The following NAV2 variants were observed in gnomAD, a reference collection of about 807,000 sequenced individuals.
NAV2 encodes neuron navigator 2.
A neutral mutation model predicts 223.2 loss-of-function variants in NAV2; 54 were observed. The observed-to-expected ratio is 0.24, with a 90% CI of 0.19 to 0.30. NAV2 has a LOEUF of 0.30. Among genes scored for constraint, NAV2 ranks in the 10% least tolerant of loss-of-function variants. The probability of loss-of-function intolerance (pLI) is 1.00; values close to 1 mark genes in which losing one functional copy is unlikely to be tolerated. For missense variants in NAV2, 2,806 were observed against 3,147.5 expected (o/e 0.89, Z 2.60); for synonymous variants, 1,279 against 1,239.3 (o/e 1.03, Z -0.67).
rs551859153 is a variant in NAV2, at chr11:19,942,977, T to C, written c.2146+3204T>C. On this transcript the variant is annotated intron_variant, in intron 8 of 37. Transcript: ENST00000349880. ...CAGCCTGAGCAACAGAGCAAGACCC[T>C]GTCTCTAAAAAATAAAATAGTTGAA... Among the ~76,000 whole-genome samples the C allele has an allele frequency of 3.9e-5, 6 of 152,288 alleles. No homozygotes were observed. The East Asian group carries it at 1.2e-3, about 29-fold the overall frequency.
At chr11:19,595,232 C>T (rs1307208582) in intron 1 of NAV2, among the ~76,000 whole-genome samples, 2 of 152,174 alleles carry the variant, frequency 1.3e-5, no homozygotes, top group East Asian at 3.9e-4. Context: ...ACACCTTTGA[C>T]CTGCCCTGTC....
intron 1 of NAV2, among the ~76,000 whole-genome samples, chr11:19,398,862 C>T (rs543457504): frequency 8.5e-5 from 13 of 152,194 alleles, no homozygotes; most frequent in African/African-American, 1.9e-4. Flanking sequence ...CATTTTTGGA[C>T]GCAGCCTCAG....
intron 2 of NAV2, among the ~76,000 whole-genome samples, chr11:19,836,376 T>C (rs1227471046): frequency 2.6e-5 from 4 of 151,256 alleles, no homozygotes; most frequent in Non-Finnish European, 4.4e-5. Flanking sequence ...GCTAACAAGG[T>C]GAAACCCCGT....
intron 1 of NAV2, among the ~76,000 whole-genome samples, chr11:19,492,914 A>G (rs2042677639): frequency 1.3e-5 from 2 of 152,214 alleles, no homozygotes; most frequent in Admixed American, 1.3e-4. Flanking sequence ...AGAGTTCCGG[A>G]GGTGAAGCCT....
chr11:20,097,217 C>A (rs113937245), intron 30 of NAV2, among the ~76,000 whole-genome samples: 1 of 152,158 alleles, frequency 6.6e-6, no homozygotes, highest in Non-Finnish European at 1.5e-5. Context: ...ATTACTTTTT[C>A]GTGAATTTTC....
intron 6 of NAV2, among the ~76,000 whole-genome samples, chr11:19,894,823 C>T (rs369805523): frequency 7.2e-5 from 11 of 152,284 alleles, no homozygotes; most frequent in African/African-American, 2.6e-4. Flanking sequence ...CTCCGCCTCC[C>T]GGGTTCAAGC....
At chr11:19,586,794 G>C (rs546343270) in intron 1 of NAV2, among the ~76,000 whole-genome samples, 2 of 152,228 alleles carry the variant, frequency 1.3e-5, no homozygotes, top group African/African-American at 2.4e-5. Flanking sequence ...CCCTACTGGG[G>C]GGTGCCTCCC....
intron 1 of NAV2, among the ~76,000 whole-genome samples, chr11:19,442,253 G>A (rs890674127): frequency 2.6e-5 from 4 of 152,250 alleles, no homozygotes; most frequent in Non-Finnish European, 4.4e-5. Flanking sequence ...AATGGTTGAG[G>A]AAAGGGGGCT....
intron 1 of NAV2, among the ~76,000 whole-genome samples, chr11:19,757,955 T>G (rs184500682): frequency 6.6e-6 from 1 of 152,334 alleles, no homozygotes; most frequent in East Asian, 1.9e-4. Flanking sequence ...GTCATCATTA[T>G]CATTACCATC....
intron 1 of NAV2, among the ~76,000 whole-genome samples, chr11:19,768,163 T>A (rs1404066122): frequency 6.6e-6 from 1 of 152,146 alleles, no homozygotes; most frequent in African/African-American, 2.4e-5. Context: ...GCACGTTGAG[T>A]GGCTCTCAGG....
intron 1 of NAV2, among the ~76,000 whole-genome samples, chr11:19,737,602 G>C (rs1004942338): frequency 6.6e-6 from 1 of 152,164 alleles, no homozygotes; most frequent in Admixed American, 6.5e-5. Context: ...CTCCTTTCCA[G>C]TTCCATGTCC....
intron 1 of NAV2, chr11:19,384,503 T>C (rs1848960157): frequency 6.6e-6 from 1 of 152,262 alleles, no homozygotes; most frequent in Non-Finnish European, 1.5e-5. Context: ...AGGGTTGGAT[T>C]GCTGTCATTT....
chr11:19,483,339 G>T, intron 1 of NAV2, among the ~76,000 whole-genome samples: 1 of 152,138 alleles, frequency 6.6e-6, no homozygotes, highest in East Asian at 1.9e-4. Flanking sequence ...TTTTTCTGTA[G>T]ATGCCACCCA....
At chr11:19,767,040 T>C (rs1788914796) in intron 1 of NAV2, among the ~76,000 whole-genome samples, 1 of 152,136 alleles carries the variant, frequency 6.6e-6, no homozygotes, top group Non-Finnish European at 1.5e-5. Context: ...TGGGATGGAC[T>C]GGGTAGTGAG....
chr11:20,096,789 A>G (rs1440702695), intron 30 of NAV2, among the ~76,000 whole-genome samples: 1 of 152,198 alleles, frequency 6.6e-6, no homozygotes, highest in Non-Finnish European at 1.5e-5. Context: ...AAGCCAGCCT[A>G]TAGAAATGAG....
At chr11:19,517,342 T>G (rs1236714080) in intron 1 of NAV2, among the ~76,000 whole-genome samples, 1 of 152,228 alleles carries the variant, frequency 6.6e-6, no homozygotes, top group Non-Finnish European at 1.5e-5. Flanking sequence ...TTCTGAACTC[T>G]CACACATCCT....
chr11:19,575,632 C>T (rs936589976), intron 1 of NAV2, among the ~76,000 whole-genome samples: 4 of 152,240 alleles, frequency 2.6e-5, no homozygotes, highest in African/African-American at 7.2e-5. Flanking sequence ...GGGAAATTCA[C>T]CTTTTCTTCC....
At chr11:20,020,324 T>C (rs2054390223) in intron 11 of NAV2, among the ~76,000 whole-genome samples, 1 of 152,248 alleles carries the variant, frequency 6.6e-6, no homozygotes, top group South Asian at 2.1e-4. Context: ...TAACATTGTT[T>C]CTGTGGAGAA....
intron 1 of NAV2, among the ~76,000 whole-genome samples, chr11:19,802,676 C>T (rs2058339154): frequency 6.7e-6 from 1 of 149,164 alleles, no homozygotes; most frequent in South Asian, 2.1e-4. Flanking sequence ...TGCCACCATA[C>T]TCCAGCCTGG....
Sources: allele counts gnomAD v4.1 joint callset (sites outside exome capture counted in the v4.1 genomes callset), GRCh38; gene constraint gnomAD v4.1.1; transcripts MANE v1.5; gene names NCBI Gene and HGNC (gene_info 2026-07-23, HGNC 2026-07-21).